LRMDA: variants seen among roughly 807,000 people sequenced by gnomAD.
The protein encoded by LRMDA is leucine rich melanocyte differentiation associated, also known as leucine-rich melanocyte differentiation-associated protein.
A neutral mutation model predicts 29.8 loss-of-function variants in LRMDA; 18 were observed. The ratio of observed to expected loss-of-function variants is 0.60; its 90% CI spans 0.42 to 0.90. The LOEUF (loss-of-function observed/expected upper bound fraction) is 0.90. Ranked by LOEUF, LRMDA falls within the 40% of genes least tolerant of loss-of-function variation. LRMDA has a pLI of 0.00. For missense variants in LRMDA, 273 were observed against 273.9 expected (o/e 1.00, Z 0.02); for synonymous variants, 125 against 109.4 (o/e 1.14, Z -0.89).
At chr10:76,517,593 G>A (rs1188825084) in intron 6 of LRMDA, among the ~76,000 whole-genome samples, 2 of 152,046 alleles carry the variant, frequency 1.3e-5, no homozygotes, top group East Asian at 1.9e-4. Context: ...AACTTCTAAA[G>A]CAGGTACATG....
At chr10:76,166,268 GCTTGGTT>G (rs1850738544) in intron 5 of LRMDA, among the ~76,000 whole-genome samples, 1 of 152,132 alleles carries the variant, frequency 6.6e-6, no homozygotes, top group Non-Finnish European at 1.5e-5. Context: ...TCCCAAACCT[GCTTGGTT>G]CTTTGTTAAA....
At chr10:76,276,360 T>C (rs1840135551) in intron 5 of LRMDA, among the ~76,000 whole-genome samples, 1 of 151,944 alleles carries the variant, frequency 6.6e-6, no homozygotes, top group Non-Finnish European at 1.5e-5. Context: ...TCCAGACTGG[T>C]CTCAAGCCCC....
chr10:75,658,710 A>G (rs1841710630), intron 2 of LRMDA, among the ~76,000 whole-genome samples: 1 of 152,236 alleles, frequency 6.6e-6, no homozygotes, highest in African/African-American at 2.4e-5. Context: ...CAGAATCACT[A>G]AGATGATGTT....
intron 2 of LRMDA, among the ~76,000 whole-genome samples, chr10:75,499,072 T>C (rs1197906361): frequency 6.6e-6 from 1 of 151,818 alleles, no homozygotes; most frequent in Admixed American, 6.6e-5. Context: ...TGGTGGAGAA[T>C]GAGGTGATGG....
intron 2 of LRMDA, among the ~76,000 whole-genome samples, chr10:75,682,849 A>T (rs943022695): frequency 6.6e-6 from 1 of 152,222 alleles, no homozygotes; most frequent in Non-Finnish European, 1.5e-5. Flanking sequence ...AAAAGTGGAC[A>T]CATGGAACTT....
At chr10:76,418,453 C>T (rs1842041134) in intron 6 of LRMDA, among the ~76,000 whole-genome samples, 1 of 151,560 alleles carries the variant, frequency 6.6e-6, no homozygotes, top group Non-Finnish European at 1.5e-5. Context: ...TTTTTTGATG[C>T]TAGTATATAA....
At chr10:75,684,159 T>C (rs1304278068) in intron 2 of LRMDA, among the ~76,000 whole-genome samples, 1 of 152,212 alleles carries the variant, frequency 6.6e-6, no homozygotes, top group Non-Finnish European at 1.5e-5. Context: ...TGAGGCATTA[T>C]CAATGTCTCC....
intron 5 of LRMDA, among the ~76,000 whole-genome samples, chr10:76,206,914 A>G (rs1851547394): frequency 1.3e-5 from 2 of 152,188 alleles, no homozygotes; most frequent in Admixed American, 6.5e-5. Flanking sequence ...CTATGCGCCA[A>G]ACGCTCTACA....
intron 6 of LRMDA, 37 bp downstream of exon 6, chr10:76,324,522 A>C (rs1396913098): frequency 6.3e-7 from 1 of 1,578,090 alleles, no homozygotes; most frequent in East Asian, 2.2e-5. Context: ...CAGTGGGTGC[A>C]GGGAGGGACA....
chr10:76,326,505 A>G lies in LRMDA; in HGVS notation c.601+2020A>G, dbSNP rs1053709833. On this transcript the variant is annotated intron_variant, in intron 6 of 6. Transcript: ENST00000611255. Reference sequence around the variant, plus strand: ...GGGGACATTTCATGGTGTGAGGACAAATTACATCAATTCTTTCTCAAGTGA... The same window carrying G: ...GGGGACATTTCATGGTGTGAGGACAGATTACATCAATTCTTTCTCAAGTGA... Among the ~76,000 whole-genome samples, 80 of 152,356 alleles carry G rather than the reference A, an allele frequency of 5.3e-4. 1 individual carries two copies. The highest frequency in any genetic ancestry group is 4.8e-3 in the Admixed American group (74 of 15,304).
intron 6 of LRMDA, among the ~76,000 whole-genome samples, chr10:76,355,498 G>A (rs968177157): frequency 6.6e-6 from 1 of 152,176 alleles, no homozygotes; most frequent in African/African-American, 2.4e-5. Context: ...TATACCTGAT[G>A]TGATCAAGGA....
chr10:75,495,651 C>T (rs1845035890), intron 2 of LRMDA, among the ~76,000 whole-genome samples: 1 of 152,194 alleles, frequency 6.6e-6, no homozygotes, highest in African/African-American at 2.4e-5. Flanking sequence ...CTTTGAGATC[C>T]AGAGTCCTGC....
chr10:75,496,286 A>C (rs1476378391), intron 2 of LRMDA, among the ~76,000 whole-genome samples: 2 of 152,120 alleles, frequency 1.3e-5, no homozygotes, highest in Admixed American at 6.5e-5. Context: ...CTTTTGGGGG[A>C]TAATTTATTT....
chr10:76,383,824 CA>C (rs1302219394), intron 6 of LRMDA, among the ~76,000 whole-genome samples: 4 of 152,178 alleles, frequency 2.6e-5, no homozygotes, highest in Non-Finnish European at 5.9e-5. Context: ...ATTGAGGTTT[CA>C]GCTTGAATGT....
At chr10:75,448,166 GA>G (rs1354929254) in intron 2 of LRMDA, among the ~76,000 whole-genome samples, 1 of 152,176 alleles carries the variant, frequency 6.6e-6, no homozygotes, top group Admixed American at 6.5e-5. Flanking sequence ...ATATAATTTA[GA>G]AAGTGCTTTC....
intron 5 of LRMDA, among the ~76,000 whole-genome samples, chr10:76,280,900 G>A (rs907866973): frequency 2.0e-5 from 3 of 151,938 alleles, no homozygotes; most frequent in African/African-American, 7.3e-5. Context: ...ACCAACAAGG[G>A]CACAAGCAAC....
intron 2 of LRMDA, among the ~76,000 whole-genome samples, chr10:75,608,420 T>C (rs950089161): frequency 2.0e-5 from 3 of 152,178 alleles, no homozygotes; most frequent in South Asian, 4.2e-4. Flanking sequence ...ATGTACAGCA[T>C]GTGACTATAG....
chr10:76,408,225 C>T (rs994291636), intron 6 of LRMDA, among the ~76,000 whole-genome samples: 2 of 152,098 alleles, frequency 1.3e-5, no homozygotes, highest in Admixed American at 1.3e-4. Context: ...GATGAGGACA[C>T]CAGCGCACAA....
At chr10:76,312,963 A>G (rs1840647773) in intron 5 of LRMDA, among the ~76,000 whole-genome samples, 3 of 152,258 alleles carry the variant, frequency 2.0e-5, no homozygotes, top group Non-Finnish European at 2.9e-5. Context: ...GAGTGAAGTA[A>G]GAATAAATCA....
Sources: gnomAD v4.1 joint callset for allele counts (sites outside exome capture counted in the v4.1 genomes callset) on GRCh38, gnomAD v4.1.1 for gene constraint, MANE v1.5 for transcripts, NCBI Gene and HGNC (gene_info 2026-07-23, HGNC 2026-07-21) for gene names.